ATRX: variants seen among roughly 807,000 people sequenced by gnomAD.
The protein encoded by ATRX is chromatin remodeler ATRX.
Under a neutral mutation model 172.6 loss-of-function variants are expected in ATRX, and 12 were observed. The ratio of observed to expected loss-of-function variants is 0.07; its 90% CI spans 0.04 to 0.11. The LOEUF (loss-of-function observed/expected upper bound fraction) is 0.11. ATRX is among the 10% of genes least tolerant of loss of function. The probability of loss-of-function intolerance (pLI) is 1.00; values close to 1 mark genes in which losing one functional copy is unlikely to be tolerated. For missense variants in ATRX, 1,368 were observed against 1,767.4 expected, an observed-to-expected ratio of 0.77 and a Z score of 4.05; for synonymous variants, 674 against 594.7, an observed-to-expected ratio of 1.13 and a Z score of -1.94.
chrX:77,600,338 CA>C (rs2066630029), intron 23 of ATRX, 95 bp downstream of exon 23: 2 of 996,316 alleles, frequency 2.0e-6, no homozygotes, highest in African/African-American at 3.8e-5. Flanking sequence ...TAGAACAAAG[CA>C]ATAGAAAATT....
chrX:77,745,704 T>TA (rs2075045806), intron 1 of ATRX, among the ~76,000 whole-genome samples: 1 of 111,002 alleles, frequency 9.0e-6, no homozygotes, highest in Non-Finnish European at 1.9e-5. Context: ...GATAGCACAA[T>TA]GGGGTGACTA....
chrX:77,673,725 T>C (rs781899329), intron 10 of ATRX, among the ~76,000 whole-genome samples: 29 of 111,182 alleles, frequency 2.6e-4, no homozygotes, highest in African/African-American at 8.8e-4. Flanking sequence ...AAAGCCATCA[T>C]AGCTTTAAAA....
At chrX:77,666,304 T>G (rs1339404470) in intron 10 of ATRX, among the ~76,000 whole-genome samples, 1 of 112,155 alleles carries the variant, frequency 8.9e-6, no homozygotes, top group African/African-American at 3.2e-5. Flanking sequence ...AGTTGAGCTA[T>G]AAAGTTTTGC....
chrX:77,747,078 C>T (rs781848382), intron 1 of ATRX, among the ~76,000 whole-genome samples: 4 of 111,163 alleles, frequency 3.6e-5, no homozygotes, highest in East Asian at 5.7e-4. Context: ...GGATTACAGG[C>T]GTGAGCCACC....
At chrX:77,635,056 T>C (rs1428554961) in intron 16 of ATRX, among the ~76,000 whole-genome samples, 2 of 110,931 alleles carry the variant, frequency 1.8e-5, no homozygotes, top group Non-Finnish European at 3.8e-5. Context: ...CCGAGGCGGG[T>C]AGATCACTTG....
intron 30 of ATRX, among the ~76,000 whole-genome samples, chrX:77,545,196 C>T (rs2147877116): frequency 8.9e-6 from 1 of 112,434 alleles, no homozygotes; most frequent in Admixed American, 9.5e-5. Context: ...TTTAATTTTT[C>T]ATAATAACTC....
At chrX:77,753,981 T>C (rs192695551) in intron 1 of ATRX, among the ~76,000 whole-genome samples, 165 of 111,781 alleles carry the variant, frequency 1.5e-3, no homozygotes, top group African/African-American at 5.0e-3. Context: ...CTAAGTCTCT[T>C]TGTAGGTCTC....
At chrX:77,546,991 T>C (rs1470886275) in intron 30 of ATRX, among the ~76,000 whole-genome samples, 1 of 111,773 alleles carries the variant, frequency 8.9e-6, no homozygotes, top group Non-Finnish European at 1.9e-5. Context: ...GGGGATAGAG[T>C]GATGAAGATG....
intron 1 of ATRX, among the ~76,000 whole-genome samples, chrX:77,729,606 G>C: frequency 8.9e-6 from 1 of 111,817 alleles, no homozygotes; most frequent in Admixed American, 9.6e-5. Flanking sequence ...ACTCACATGT[G>C]CGTGTGTTTC....
intron 27 of ATRX, among the ~76,000 whole-genome samples, chrX:77,575,246 A>T (rs1016214443): frequency 9.1e-6 from 1 of 110,376 alleles, no homozygotes; most frequent in Non-Finnish European, 1.9e-5. Flanking sequence ...TACATTAGTT[A>T]AAAAAAAGAT....
chrX:77,759,783 C>T (rs936436143), intron 1 of ATRX, among the ~76,000 whole-genome samples: 1 of 110,893 alleles, frequency 9.0e-6, no homozygotes, highest in Non-Finnish European at 1.9e-5. Context: ...TAGATCAGTG[C>T]TGCCCAACAG....
chrX:77,610,622 G>A (rs1376569136), intron 22 of ATRX, among the ~76,000 whole-genome samples: 1 of 110,915 alleles, frequency 9.0e-6, no homozygotes, highest in East Asian at 2.8e-4. Flanking sequence ...AATATTTTGT[G>A]GCATTATCTT....
intron 6 of ATRX, among the ~76,000 whole-genome samples, chrX:77,691,800 A>G (rs782529585): frequency 4.5e-5 from 5 of 111,891 alleles, no homozygotes; most frequent in African/African-American, 1.6e-4. Flanking sequence ...TCAGATCACC[A>G]ATTTATCTAT....
chrX:77,597,346 A>G (rs1017071601), intron 25 of ATRX, among the ~76,000 whole-genome samples: 10 of 110,805 alleles, frequency 9.0e-5, no homozygotes, highest in Non-Finnish European at 1.7e-4. Flanking sequence ...CGAGTCAGAA[A>G]GAATTTATGA....
At chrX:77,605,715 C>A (rs1401551230) in intron 22 of ATRX, among the ~76,000 whole-genome samples, 1 of 111,462 alleles carries the variant, frequency 9.0e-6, no homozygotes, top group Non-Finnish European at 1.9e-5. Flanking sequence ...CACTGATGAA[C>A]ATAGATATTA....
chrX:77,610,865 T>C (rs1286327183), intron 22 of ATRX, among the ~76,000 whole-genome samples: 1 of 108,660 alleles, frequency 9.2e-6, no homozygotes, highest in African/African-American at 3.3e-5. Context: ...TTTTTCATTA[T>C]TATAAATAAT....
chrX:77,663,530 T>C lies in ATRX; in HGVS notation c.3972A>G (p.Ser1324=), dbSNP rs782638271. The C allele has an allele frequency of 2.7e-5, 33 of 1,209,534 alleles. 1 individual carries two copies. The East Asian group carries it at 4.7e-4, about 17-fold the overall frequency. ...EEAKNQVNSE[S]DSDSEESKKP... The stretch of plus-strand genomic sequence containing the variant: ...TCTTAGATTCTTCAGAATCTGAATC[T>C]GATTCAGAATTGACTTGATTTTTTG... Residue 1324 remains serine, a synonymous_variant, in exon 12 of 35, where the codon TCA becomes TCG. Transcript: ENST00000373344.
chrX:77,604,003 A>C (rs919715570), intron 22 of ATRX, among the ~76,000 whole-genome samples: 3 of 112,508 alleles, frequency 2.7e-5, no homozygotes, highest in African/African-American at 9.7e-5. Context: ...AAAGACTTAA[A>C]TGTAAGAGCT....
intron 15 of ATRX, among the ~76,000 whole-genome samples, chrX:77,636,538 T>C (rs2068358589): frequency 9.0e-6 from 1 of 111,064 alleles, no homozygotes; most frequent in African/African-American, 3.3e-5. Flanking sequence ...CTTTTCTTTA[T>C]AAATTACCCA....
Sources: allele counts gnomAD v4.1 joint callset (sites outside exome capture counted in the v4.1 genomes callset), GRCh38; gene constraint gnomAD v4.1.1; transcripts MANE v1.5; gene names NCBI Gene and HGNC (gene_info 2026-07-23, HGNC 2026-07-21).